The following SLC44A1 variants were observed in gnomAD, a reference collection of about 807,000 sequenced individuals.
SLC44A1 encodes the protein choline transporter-like protein 1.
In SLC44A1, 26 loss-of-function variants were observed where a neutral mutation model predicts 79.3. The observed-to-expected ratio is 0.33, with a 90% CI of 0.24 to 0.46. The LOEUF (loss-of-function observed/expected upper bound fraction) is 0.46. Ranked by LOEUF, SLC44A1 falls within the 20% of genes least tolerant of loss-of-function variation. The probability of loss-of-function intolerance (pLI) is 1.00; values close to 1 mark genes in which losing one functional copy is unlikely to be tolerated. For missense variants in SLC44A1, 688 were observed against 798.1 expected (o/e 0.86, Z 1.66); for synonymous variants, 263 against 286.2 (o/e 0.92, Z 0.82).
At chr9:105,348,087 A>G (rs1353145581) in intron 4 of SLC44A1, among the ~76,000 whole-genome samples, 1 of 152,088 alleles carries the variant, frequency 6.6e-6, no homozygotes, top group Non-Finnish European at 1.5e-5. Flanking sequence ...GTCATCTTGC[A>G]GAGAACCTGA....
At chr9:105,320,568 CATTTT>C (rs893130460) in intron 3 of SLC44A1, among the ~76,000 whole-genome samples, 3 of 152,028 alleles carry the variant, frequency 2.0e-5, no homozygotes, top group Non-Finnish European at 2.9e-5. Context: ...TTATTTGTTA[CATTTT>C]ATTTTATTTT....
intron 2 of SLC44A1, among the ~76,000 whole-genome samples, chr9:105,302,753 A>G (rs1015766553): frequency 6.6e-6 from 1 of 152,088 alleles, no homozygotes. Flanking sequence ...ATGTTCAGCC[A>G]AAGTTGAGAC....
intron 1 of SLC44A1, among the ~76,000 whole-genome samples, chr9:105,274,088 A>G (rs1449837752): frequency 6.6e-6 from 1 of 152,178 alleles, no homozygotes; most frequent in Non-Finnish European, 1.5e-5. Flanking sequence ...AAAGCCAATA[A>G]AAAAACCAGT....
chr9:105,352,758 A>T (rs1212752820), intron 5 of SLC44A1, among the ~76,000 whole-genome samples: 1 of 152,186 alleles, frequency 6.6e-6, no homozygotes, highest in African/African-American at 2.4e-5. Context: ...GAAATCGGTG[A>T]ATTCACCTCC....
intron 7 of SLC44A1, among the ~76,000 whole-genome samples, chr9:105,360,444 A>T (rs751850428): frequency 6.6e-6 from 1 of 152,176 alleles, no homozygotes; most frequent in Non-Finnish European, 1.5e-5. Flanking sequence ...AAGAGTAAGA[A>T]CTTGGCTTTG....
At chr9:105,373,587 G>A (rs1828181982) in intron 12 of SLC44A1, among the ~76,000 whole-genome samples, 2 of 152,184 alleles carry the variant, frequency 1.3e-5, no homozygotes, top group African/African-American at 2.4e-5. Flanking sequence ...GAGCAGGGAA[G>A]AGCTGGGATT....
intron 3 of SLC44A1, among the ~76,000 whole-genome samples, chr9:105,315,771 A>G (rs1278369451): frequency 6.6e-6 from 1 of 152,232 alleles, no homozygotes; most frequent in African/African-American, 2.4e-5. Context: ...TAGATAAAAT[A>G]TGCTAAAATA....
At chr9:105,434,387 C>G (rs1457913528) in intron 15 of SLC44A1, among the ~76,000 whole-genome samples, 1 of 151,720 alleles carries the variant, frequency 6.6e-6, no homozygotes, top group Non-Finnish European at 1.5e-5. Context: ...GAGGAAGATT[C>G]AGAGAACAAA....
chr9:105,435,491 AG>A (rs1343362623), intron 15 of SLC44A1, among the ~76,000 whole-genome samples: 2 of 152,088 alleles, frequency 1.3e-5, no homozygotes, highest in African/African-American at 2.4e-5. Flanking sequence ...CATAGTCATG[AG>A]GTGGGGGGAG....
Position 105,391,916 on chromosome 9 carries a change from T to C in SLC44A1, c.*2860T>C. 2.0e-6 allele frequency: 2 copies of C among 985,312 alleles called. No individual in the cohort carries two copies. The highest frequency in any genetic ancestry group is 2.4e-6 in the Non-Finnish European group (2 of 829,826). The allele number at this position is 985,312 out of a possible 1,614,324, so 61.0% of individuals were successfully genotyped here. A position where few individuals can be genotyped will look rare whatever the true frequency, so the allele number is the denominator to read the frequency against. ...GAGTTTTAATTGGGGTCCTCTATTGTCAATTGTAGTAGTGACCAGAGTATC... is the reference window on the plus strand; with the variant it reads ...GAGTTTTAATTGGGGTCCTCTATTGCCAATTGTAGTAGTGACCAGAGTATC... On this transcript the variant is annotated 3_prime_UTR_variant, in exon 16 of 16. Coordinates refer to ENST00000374720, the MANE Select transcript of SLC44A1 (RefSeq NM_080546.5).
At chr9:105,358,834 G>A (rs1827699351) in intron 7 of SLC44A1, among the ~76,000 whole-genome samples, 1 of 151,720 alleles carries the variant, frequency 6.6e-6, no homozygotes, top group South Asian at 2.1e-4. Context: ...GTTTTCTTTG[G>A]TTATCTTCAC....
intron 3 of SLC44A1, among the ~76,000 whole-genome samples, chr9:105,326,585 C>T (rs762200659): frequency 7.9e-5 from 12 of 152,150 alleles, no homozygotes; most frequent in Non-Finnish European, 1.0e-4. Context: ...TTGGCTCTTT[C>T]GTCATCTTGC....
chr9:105,354,660 T>C (rs954685601), intron 5 of SLC44A1, among the ~76,000 whole-genome samples: 1 of 152,228 alleles, frequency 6.6e-6, no homozygotes, highest in African/African-American at 2.4e-5. Flanking sequence ...TTTTTTGATA[T>C]ATTTGCTAAA....
At chr9:105,269,543 G>C (rs984859379) in intron 1 of SLC44A1, among the ~76,000 whole-genome samples, 2 of 152,192 alleles carry the variant, frequency 1.3e-5, no homozygotes, top group Non-Finnish European at 2.9e-5. Context: ...TTACTCAGGT[G>C]CATGTGTTGG....
intron 1 of SLC44A1, among the ~76,000 whole-genome samples, chr9:105,255,044 A>G (rs1007846138): frequency 4.6e-5 from 7 of 151,896 alleles, no homozygotes; most frequent in African/African-American, 1.4e-4. Flanking sequence ...CTAAAGAGGG[A>G]AAAAAAGAGA....
rs1476118688 is a variant in SLC44A1 at position 105,393,716 on chromosome 9, A to T, written c.*4660A>T. ...TTGCATGAACAATTGCCACTTTGTA[A>T]ATTATATGGACAGAATGTGTTCTAA... On this transcript the variant is annotated 3_prime_UTR_variant, in exon 16 of 16. Transcript: ENST00000374720. 6.6e-5 allele frequency: 65 copies of T among 984,778 alleles called. No individual in the cohort carries two copies. Among genetic ancestry groups the T allele is most frequent in the Non-Finnish European group, 7.5e-5 (62 of 829,458 alleles). 61.0% of individuals were successfully genotyped at this position (984,778 alleles called of 1,614,324 possible). A position where few individuals can be genotyped will look rare whatever the true frequency, so the allele number is the denominator to read the frequency against.
At chr9:105,279,308 A>T (rs1341520451) in intron 1 of SLC44A1, among the ~76,000 whole-genome samples, 1 of 151,408 alleles carries the variant, frequency 6.6e-6, no homozygotes, top group African/African-American at 2.4e-5. Flanking sequence ...TAAAACTAGG[A>T]AAAGAAAACT....
chr9:105,351,554 AAGAG>A (rs200116554), intron 5 of SLC44A1, among the ~76,000 whole-genome samples: 3,275 of 116,450 alleles, frequency 0.028, 283 homozygotes, highest in African/African-American at 0.11. Flanking sequence ...GAAAGAAAGA[AAGAG>A]AGAAAGAGAG....
At chr9:105,362,053 C>A (rs1207300594) in intron 8 of SLC44A1, among the ~76,000 whole-genome samples, 1 of 151,116 alleles carries the variant, frequency 6.6e-6, no homozygotes, top group Admixed American at 6.6e-5. Context: ...TTTGTGTGTG[C>A]GTGTGTGTGC....
Sources: gnomAD v4.1 joint callset for allele counts (sites outside exome capture counted in the v4.1 genomes callset) on GRCh38, gnomAD v4.1.1 for gene constraint, MANE v1.5 for transcripts, NCBI Gene and HGNC (gene_info 2026-07-23, HGNC 2026-07-21) for gene names.